The following SARS1 variants were observed in gnomAD, a reference collection of about 807,000 sequenced individuals.
SARS1 encodes seryl-tRNA synthetase 1.
Under a neutral mutation model 63.7 loss-of-function variants are expected in SARS1, and 25 were observed. The ratio of observed to expected loss-of-function variants is 0.39; its 90% CI spans 0.29 to 0.55. The LOEUF (loss-of-function observed/expected upper bound fraction) is 0.55. SARS1 is among the 20% of genes least tolerant of loss of function. The probability of loss-of-function intolerance (pLI) is 0.62; values close to 1 mark genes in which losing one functional copy is unlikely to be tolerated. For synonymous variants in SARS1, 231 were observed against 243.5 expected, an observed-to-expected ratio of 0.95 and a Z score of 0.48; for missense variants, 417 against 649.7, an observed-to-expected ratio of 0.64 and a Z score of 3.89.
At chr1:109,234,440 CT>C (rs1300915534) in intron 6 of SARS1, among the ~76,000 whole-genome samples, 113 of 145,344 alleles carry the variant, frequency 7.8e-4, no homozygotes, top group Middle Eastern at 3.6e-3. Context: ...CCTGTCTGAA[CT>C]TTTTTTTTTT....
At chr1:109,236,693 T>C in intron 9 of SARS1, 145 bp downstream of exon 9, 3 of 1,483,344 alleles carry the variant, frequency 2.0e-6, no homozygotes, top group Middle Eastern at 1.9e-4. Context: ...AATCTGAAAA[T>C]GCCTTCTACT....
intron 1 of SARS1, among the ~76,000 whole-genome samples, chr1:109,221,764 AT>A (rs1448467741): frequency 6.6e-6 from 1 of 151,880 alleles, no homozygotes; most frequent in African/African-American, 2.4e-5. Context: ...ATATTCATTG[AT>A]TGAAACATTC....
chr1:109,221,979 T>C (rs1163080265), intron 1 of SARS1, among the ~76,000 whole-genome samples: 20 of 4,276 alleles, frequency 4.7e-3, no homozygotes, highest in South Asian at 0.027. Context: ...TGTATATATA[T>C]ATATATATAT....
intron 1 of SARS1, chr1:109,215,791 C>A: frequency 2.3e-6 from 1 of 432,056 alleles, no homozygotes; most frequent in Non-Finnish European, 3.1e-6. Context: ...CTGCAACCTC[C>A]ATCTCCCGGT....
intron 9 of SARS1, chr1:109,236,975 C>T: frequency 1.4e-6 from 2 of 1,411,896 alleles, no homozygotes; most frequent in Non-Finnish European, 1.8e-6. Flanking sequence ...ATAGTAGTTT[C>T]TTCCTTCCCT....
chr1:109,236,988 A>G, intron 9 of SARS1: 1 of 1,348,664 alleles, frequency 7.4e-7, no homozygotes, highest in East Asian at 2.8e-5. Flanking sequence ...CCTTCCCTCA[A>G]AGGGCCCAAC....
chr1:109,226,678 AT>A (rs1408981942), intron 2 of SARS1, among the ~76,000 whole-genome samples: 883 of 29,654 alleles, frequency 0.03, 1 homozygote, highest in Middle Eastern at 0.14. Flanking sequence ...AAAAAAAAAA[AT>A]ATATATATAT....
chr1:109,223,060 C>T (rs948926708), intron 1 of SARS1, among the ~76,000 whole-genome samples: 4 of 152,090 alleles, frequency 2.6e-5, no homozygotes, highest in Non-Finnish European at 5.9e-5. Flanking sequence ...TTGCCCCTGA[C>T]GTTTAGATTC....
chr1:109,231,880 C>T (rs1479092652), intron 6 of SARS1, 94 bp downstream of exon 6: 21 of 1,087,918 alleles, frequency 1.9e-5, no homozygotes, highest in East Asian at 1.5e-4. Context: ...GGACTTTCTG[C>T]GATGATGGAA....
chr1:109,216,114 C>T, intron 1 of SARS1: 3 of 985,432 alleles, frequency 3.0e-6, no homozygotes, highest in Non-Finnish European at 3.6e-6. Flanking sequence ...AAGTTCCCAA[C>T]TGCCCAAGGT....
intron 1 of SARS1, among the ~76,000 whole-genome samples, chr1:109,222,851 A>G (rs1030490371): frequency 3.9e-5 from 6 of 152,142 alleles, no homozygotes; most frequent in Admixed American, 1.3e-4. Context: ...CTCTACAAAA[A>G]TAAAAATAAA....
Position 109,226,677 on chromosome 1 carries a change from AAT to A in SARS1, c.208-1655_208-1654del, listed in dbSNP as rs1553177726. Among the ~76,000 whole-genome samples the A allele has an allele frequency of 7.8e-3, 348 of 44,884 alleles. 7 individuals are homozygous for A. Among genetic ancestry groups the A allele is most frequent in the African/African-American group, 0.027 (328 of 12,034 alleles). The allele number at this position is 44,884 out of a possible 152,430, so 29.4% of individuals were successfully genotyped here. On this transcript the variant is annotated intron_variant, in intron 2 of 10. Coordinates refer to ENST00000234677, the MANE Select transcript of SARS1 (RefSeq NM_006513.4). ...CCTGGCTAATTTAAAAAAAAAAAAA[AAT>A]ATATATATATATATATATACACACA...
rs1449790554 is a variant in SARS1 at position 109,237,771 on chromosome 1, T to C, written c.1428T>C (p.Ile476=). The change falls in exon 11 of 11, where the codon ATT becomes ATC. Residue 476 remains isoleucine (I), a synonymous_variant. Transcript: ENST00000234677. The surrounding 1 kb of genome is among the most constrained non-coding windows in gnomAD (Gnocchi z 4.1). ...ELIPFVKPAP[I]EQEPSKKQKK... Reference sequence around the variant, plus strand: ...TCCCCTTTGTGAAGCCTGCGCCCATTGAGCAGGAGCCATCAAAGAAGCAGA... The same window carrying C: ...TCCCCTTTGTGAAGCCTGCGCCCATCGAGCAGGAGCCATCAAAGAAGCAGA... 1.9e-6 allele frequency: 3 copies of C among 1,614,108 alleles called. No individual in the cohort carries two copies. Among genetic ancestry groups the C allele is most frequent in the South Asian group, 2.2e-5 (2 of 91,072 alleles).
chr1:109,223,759 G>A (rs988908549), intron 1 of SARS1, among the ~76,000 whole-genome samples: 1 of 152,182 alleles, frequency 6.6e-6, no homozygotes, highest in African/African-American at 2.4e-5. Context: ...AGCCGAGATT[G>A]CACCATTACA....
chr1:109,226,606 G>A (rs1352340276), intron 2 of SARS1, among the ~76,000 whole-genome samples: 127 of 138,618 alleles, frequency 9.2e-4, no homozygotes, highest in African/African-American at 3.2e-3. Context: ...CAGTCCCCCC[G>A]CCTCAGCCTC....
chr1:109,223,537 T>G (rs1654999076), intron 1 of SARS1, among the ~76,000 whole-genome samples: 1 of 152,218 alleles, frequency 6.6e-6, no homozygotes, highest in South Asian at 2.1e-4. Context: ...AGCTCTAAGA[T>G]TAGGCCGGGC....
intron 3 of SARS1, 97 bp from the exon 4 acceptor site, chr1:109,229,317 A>G (rs1424045534): frequency 8.0e-7 from 1 of 1,247,924 alleles, no homozygotes; most frequent in Non-Finnish European, 1.1e-6. Context: ...CACAAGGGCT[A>G]TCTTTAGAGC....
intron 6 of SARS1, among the ~76,000 whole-genome samples, chr1:109,233,683 AATTTTT>A (rs1655251750): frequency 6.6e-6 from 1 of 151,346 alleles, no homozygotes; most frequent in Non-Finnish European, 1.5e-5. Context: ...CATTATTTTT[AATTTTT>A]ATTTTTATTT....
At chr1:109,215,464 C>A in intron 1 of SARS1, 1 of 985,142 alleles carries the variant, frequency 1.0e-6, no homozygotes, top group Non-Finnish European at 1.2e-6. Flanking sequence ...TCTTCAGGGA[C>A]AAGGATTCAA....
Sources: allele counts gnomAD v4.1 joint callset (sites outside exome capture counted in the v4.1 genomes callset), GRCh38; gene constraint gnomAD v4.1.1; non-coding constraint Gnocchi (gnomAD v3.1); transcripts MANE v1.5; gene names NCBI Gene and HGNC (gene_info 2026-07-23, HGNC 2026-07-21).